Variants in RNF123 observed in about 807,000 individuals in gnomAD.
RNF123 encodes ring finger protein 123.
Under a neutral mutation model 168.5 loss-of-function variants are expected in RNF123, and 86 were observed. That is an observed-to-expected ratio of 0.51 (90% CI 0.43 to 0.61). RNF123 has a LOEUF of 0.61. Among genes scored for constraint, RNF123 ranks in the 20% least tolerant of loss-of-function variants. The pLI, the probability that RNF123 is intolerant of heterozygous loss-of-function variation, is 0.00. For missense variants in RNF123, 1,419 were observed against 1,729.7 expected (o/e 0.82, Z 3.19); for synonymous variants, 666 against 689.1 (o/e 0.97, Z 0.52).
At chr3:49,713,233 G>T in intron 27 of RNF123, 1 of 590,128 alleles carries the variant, frequency 1.7e-6, no homozygotes, top group Non-Finnish European at 3.0e-6. Flanking sequence ...GAGTGCCCAA[G>T]GAGCTTTGAC....
rs554298044 is a variant in RNF123 at position 49,705,392 on chromosome 3, C to T, written c.2159-142C>T. On this transcript the variant is annotated intron_variant, in intron 23 of 38. Transcript: ENST00000327697. ...GCAGGCCTTGCCCTGCACTCCACCC[C>T]TACCCCCATGCCCCCATGGGCTCCC... 733 of 1,309,832 alleles carry T rather than the reference C, an allele frequency of 5.6e-4. 1 individual carries two copies. Among genetic ancestry groups the T allele is most frequent in the Non-Finnish European group, 7.4e-4 (710 of 963,864 alleles). 81.1% of individuals were successfully genotyped at this position (1,309,832 alleles called of 1,614,324 possible). A position where few individuals can be genotyped will look rare whatever the true frequency, so the allele number is the denominator to read the frequency against.
At chr3:49,712,815 G>C in intron 27 of RNF123, 159 bp downstream of exon 27, 1 of 816,598 alleles carries the variant, frequency 1.2e-6, no homozygotes, top group South Asian at 1.4e-5. Flanking sequence ...GCAAACAAAC[G>C]TCTGCACCCT....
At chr3:49,716,514 GGT>G in intron 35 of RNF123, 37 bp downstream of exon 35, 1 of 1,573,408 alleles carries the variant, frequency 6.4e-7, no homozygotes, top group Non-Finnish European at 8.7e-7. Context: ...GTGGGAGTTG[GGT>G]GTGTCTGGTG....
rs1289943150 is a variant in RNF123 at position 49,697,418 on chromosome 3, C to T, written c.303C>T (p.Gly101=). 6.2e-7 allele frequency: 1 copy of T among 1,610,826 alleles called. No homozygotes were observed. The highest frequency in any genetic ancestry group is 8.5e-7 in the Non-Finnish European group (1 of 1,178,232). The stretch of plus-strand genomic sequence containing the variant: ...CTGTGGTCCTGGACCACACAGGCGG[C>T]TTTGAGGGGCTTCTCCTGGTGGATG... The part of the protein sequence containing the change: ...PSTVVLDHTG[G]FEGLLLVDDD... Residue 101 remains glycine, a synonymous_variant, in exon 5 of 39, where the codon GGC becomes GGT. Transcript: ENST00000327697.
At chr3:49,701,230 C>G (rs2054375303) in intron 15 of RNF123, among the ~76,000 whole-genome samples, 1 of 152,260 alleles carries the variant, frequency 6.6e-6, no homozygotes. Flanking sequence ...ACCAGTCCCT[C>G]TCTCCAGCTT....
intron 31 of RNF123, among the ~76,000 whole-genome samples, chr3:49,714,869 G>T (rs1056111779): frequency 6.6e-6 from 1 of 152,228 alleles, no homozygotes; most frequent in African/African-American, 2.4e-5. Context: ...GGTCCAAAGG[G>T]TGTCCCCAGA....
At chr3:49,698,595 C>A in intron 8 of RNF123, 69 bp downstream of exon 8, 3 of 1,573,678 alleles carry the variant, frequency 1.9e-6, no homozygotes, top group Non-Finnish European at 2.6e-6. Flanking sequence ...AGCCACTGGG[C>A]AGCCATAAGG....
rs1010479113 is a variant in RNF123, at chr3:49,697,957, T to C, written c.397+18T>C. On this transcript the variant is annotated intron_variant, in intron 6 of 38. Transcript: ENST00000327697. ...GTACAAAGGTGAGACCTTACCCTGC[T>C]GTGGCCTAGGTAGTGAGGAGAAAGT... is the stretch of plus-strand genomic sequence containing the variant. 2 of 1,614,182 alleles carry C rather than the reference T, an allele frequency of 1.2e-6. No homozygotes were observed. Among genetic ancestry groups the C allele is most frequent in the Non-Finnish European group, 1.7e-6 (2 of 1,180,002 alleles).
chr3:49,704,561 T>C, intron 21 of RNF123, 89 bp from the exon 22 acceptor site: 2 of 1,098,226 alleles, frequency 1.8e-6, no homozygotes, highest in Non-Finnish European at 2.7e-6. Flanking sequence ...TCCTGCCCAG[T>C]GTGCTGGGCT....
At position 49,719,407 on chromosome 3, in the gene RNF123, G is replaced by A. The variant is rs532189291; in HGVS notation, c.3501-1104G>A. ...GGGCGGGAAACCCTCGGAGTCCGGG[G>A]TGCCTAACCCAACGCGCAGCATGCA... is the stretch of plus-strand genomic sequence containing the variant. On this transcript the variant is annotated intron_variant, in intron 35 of 38. Coordinates refer to ENST00000327697, the MANE Select transcript of RNF123 (RefSeq NM_022064.5). 1.7e-5 allele frequency: 27 copies of A among 1,613,622 alleles called. No homozygotes were observed. In the South Asian group the frequency reaches 2.6e-4, roughly 16 times the overall value.
chr3:49,705,248 G>C, intron 23 of RNF123, 66 bp downstream of exon 23: 1 of 1,526,014 alleles, frequency 6.6e-7, no homozygotes, highest in Non-Finnish European at 8.9e-7. Flanking sequence ...TCCCCGATCC[G>C]GGCAAAGCCA....
At position 49,713,797 on chromosome 3, in the gene RNF123, C is replaced by T. The variant is rs148034082; in HGVS notation, c.2809C>T (p.Arg937Trp). ...CTACGTGTGCTACCCACACTCCCTG[C>T]GGGCTGTGGAGCGAATCCCCGAGGA... is the stretch of plus-strand genomic sequence containing the variant. ...ASYVCYPHSL[R>W]AVERIPEEQR... Residue 937 changes from arginine to tryptophan, a missense_variant, in exon 29 of 39, where the codon CGG becomes TGG. Physicochemically the swap from Arg to Trp is moderately radical, Grantham distance 101. Coordinates refer to ENST00000327697, the MANE Select transcript of RNF123 (RefSeq NM_022064.5). 2,686 of 1,612,296 alleles carry T rather than the reference C, an allele frequency of 1.7e-3. 4 individuals carry two copies. Among genetic ancestry groups the T allele is most frequent in the Non-Finnish European group, 2.0e-3 (2,330 of 1,179,434 alleles).
At chr3:49,701,470 C>T (rs1346737361) in intron 15 of RNF123, 21 bp from the exon 16 acceptor site, 1 of 1,596,906 alleles carries the variant, frequency 6.3e-7, no homozygotes, top group South Asian at 1.1e-5. Context: ...GCAAGCAGAG[C>T]CCTGCCTTGA....
At chr3:49,712,796 C>A in intron 27 of RNF123, 140 bp downstream of exon 27, 2 of 961,460 alleles carry the variant, frequency 2.1e-6, no homozygotes, top group Non-Finnish European at 3.2e-6. Flanking sequence ...CTCTGTGGTT[C>A]ACCCTGCAGC....
At chr3:49,698,602 A>G in intron 8 of RNF123, 76 bp downstream of exon 8, 1 of 1,565,298 alleles carries the variant, frequency 6.4e-7, no homozygotes, top group East Asian at 2.2e-5. Flanking sequence ...GGGCAGCCAT[A>G]AGGGACTACA....
chr3:49,720,955 G>C, intron 37 of RNF123, 61 bp downstream of exon 37: 1 of 1,607,624 alleles, frequency 6.2e-7, no homozygotes, highest in East Asian at 2.2e-5. Context: ...TCCTACACAG[G>C]CACAACGGAC....
At chr3:49,707,213 CAG>C (rs2054536772) in intron 26 of RNF123, among the ~76,000 whole-genome samples, 1 of 151,238 alleles carries the variant, frequency 6.6e-6, no homozygotes, top group Admixed American at 6.6e-5. Flanking sequence ...CCCAGTGCAT[CAG>C]GGGCTCTGCA....
At chr3:49,718,498 C>A (rs981834081) in intron 35 of RNF123, 6 of 1,613,026 alleles carry the variant, frequency 3.7e-6, no homozygotes, top group African/African-American at 1.3e-5. Context: ...ATCGCGGGAT[C>A]CTGGCGCCCT....
In RNF123 at chr3:49,714,084, C is replaced by G. The variant is rs1359144129; in HGVS notation, c.2926-6C>G. The G allele has an allele frequency of 1.5e-5, 24 of 1,614,062 alleles. No homozygotes were observed. The highest frequency in any genetic ancestry group is 3.3e-4 in the Middle Eastern group (2 of 6,058). On this transcript the variant is annotated splice_polypyrimidine_tract_variant and splice_region_variant and intron_variant, in intron 30 of 38. Coordinates refer to ENST00000327697, the MANE Select transcript of RNF123 (RefSeq NM_022064.5). ...TTGACCTGGGCACTGACCCCCACCT[C>G]CACAGGGCTGTGGCTTCGGGTACCG...
Sources: allele counts gnomAD v4.1 joint callset (sites outside exome capture counted in the v4.1 genomes callset), GRCh38; gene constraint gnomAD v4.1.1; transcripts MANE v1.5; gene names NCBI Gene and HGNC (gene_info 2026-07-23, HGNC 2026-07-21).